KIF26B: variants seen among roughly 807,000 people sequenced by gnomAD.
KIF26B encodes the protein kinesin family member 26B.
Under a neutral mutation model 151.2 loss-of-function variants are expected in KIF26B, and 63 were observed. The ratio of observed to expected loss-of-function variants is 0.42; its 90% confidence interval spans 0.34 to 0.51. The LOEUF is 0.51. Among genes scored for constraint, KIF26B ranks in the 20% least tolerant of loss-of-function variants. The probability of loss-of-function intolerance (pLI) is 0.07; values close to 1 mark genes in which losing one functional copy is unlikely to be tolerated. For missense variants in KIF26B, 2,813 were observed against 2,913.6 expected, an observed-to-expected ratio of 0.97 and a Z score of 0.79; for synonymous variants, 1,357 against 1,262.1, an observed-to-expected ratio of 1.08 and a Z score of -1.59.
chr1:245,385,912 G>A (rs1673531818), intron 3 of KIF26B, among the ~76,000 whole-genome samples: 1 of 152,106 alleles, frequency 6.6e-6, no homozygotes, highest in Non-Finnish European at 1.5e-5. Context: ...GTTGGATGTG[G>A]GAAAAGAGAG....
Position 245,516,822 on chromosome 1 carries a change from C to T in KIF26B, c.1167-23945C>T, listed in dbSNP as rs1284808205. ...TTTGCACATTCTCTTCAGCTGAACA[C>T]AAAAGTTCCGGTTACCAGACTGTCC... On this transcript the variant is annotated intron_variant, in intron 4 of 14. Transcript: ENST00000407071. This position sits in a 1 kb window ranked among gnomAD's most constrained non-coding sequence, Gnocchi z 4.2. Among the ~76,000 whole-genome samples, 1 of 150,460 alleles carries T rather than the reference C, an allele frequency of 6.6e-6. No homozygotes were observed. Among genetic ancestry groups the T allele is most frequent in the African/African-American group, 2.4e-5 (1 of 41,124 alleles).
intron 10 of KIF26B, among the ~76,000 whole-genome samples, chr1:245,648,632 C>CAA (rs35377336): frequency 7.3e-4 from 103 of 140,342 alleles, no homozygotes; most frequent in African/African-American, 1.2e-3. Context: ...GACCCTGTCT[C>CAA]AAAAAAAAAA....
intron 9 of KIF26B, 127 bp downstream of exon 9, chr1:245,612,103 T>TGAGAGAGAGAGA: frequency 2.5e-6 from 1 of 394,290 alleles, no homozygotes; most frequent in South Asian, 4.2e-5. Flanking sequence ...TGTGTGTGTG[T>TGAGAGAGAGAGA]GTGAGAGAGA....
chr1:245,190,392 C>A (rs1186700602), intron 2 of KIF26B, among the ~76,000 whole-genome samples: 2 of 152,098 alleles, frequency 1.3e-5, no homozygotes. Flanking sequence ...TCCTGTAACA[C>A]TGGCTGCAGG....
At chr1:245,203,674 A>G (rs544531958) in intron 2 of KIF26B, among the ~76,000 whole-genome samples, 1 of 152,288 alleles carries the variant, frequency 6.6e-6, no homozygotes, top group African/African-American at 2.4e-5. Flanking sequence ...TACATGGTGC[A>G]TGCAGTTTTT....
chr1:245,156,184 G>T, intron 1 of KIF26B, 98 bp from the exon 2 acceptor site: 1 of 1,464,816 alleles, frequency 6.8e-7, no homozygotes, highest in Admixed American at 2.4e-5. Flanking sequence ...TCCCGTGGGC[G>T]GTTCGAGCGG....
At chr1:245,623,649 G>A (rs747821979) in intron 9 of KIF26B, among the ~76,000 whole-genome samples, 1 of 152,174 alleles carries the variant, frequency 6.6e-6, no homozygotes, top group African/African-American at 2.4e-5. Flanking sequence ...ACATCTGACC[G>A]CATGTGACAG....
chr1:245,395,635 C>T (rs1420125037), intron 3 of KIF26B, among the ~76,000 whole-genome samples: 1 of 152,168 alleles, frequency 6.6e-6, no homozygotes, highest in Non-Finnish European at 1.5e-5. Context: ...GAAATCAGAA[C>T]CTTTTTTCCT....
intron 3 of KIF26B, among the ~76,000 whole-genome samples, chr1:245,373,581 C>A (rs959444993): frequency 6.6e-6 from 1 of 152,180 alleles, no homozygotes; most frequent in African/African-American, 2.4e-5. Flanking sequence ...CATGTGCATT[C>A]CTTGAGTTGC....
chr1:245,652,102 C>G (rs984123982), intron 10 of KIF26B, among the ~76,000 whole-genome samples: 7 of 136,446 alleles, frequency 5.1e-5, no homozygotes, highest in African/African-American at 2.1e-4. Flanking sequence ...ATGTAAGAAT[C>G]TGTGTGTGTG....
intron 2 of KIF26B, among the ~76,000 whole-genome samples, chr1:245,236,688 C>T (rs1194958768): frequency 6.6e-6 from 1 of 152,244 alleles, no homozygotes. Context: ...GTAAGAATGT[C>T]TAAACCTGAA....
intron 4 of KIF26B, among the ~76,000 whole-genome samples, chr1:245,473,463 G>T (rs1373600971): frequency 6.6e-6 from 1 of 152,120 alleles, no homozygotes; most frequent in East Asian, 1.9e-4. Flanking sequence ...AGGCGAGTGT[G>T]CCCCCATCGA....
At chr1:245,575,362 CT>C (rs1210190502) in intron 5 of KIF26B, among the ~76,000 whole-genome samples, 1 of 151,770 alleles carries the variant, frequency 6.6e-6, no homozygotes, top group Admixed American at 6.6e-5. Context: ...GTAGTCTCAG[CT>C]ACTCGGGAGG....
In KIF26B at chr1:245,488,352, A is replaced by G. The variant is rs1441336969; in HGVS notation, c.1167-52415A>G. On this transcript the variant is annotated intron_variant, in intron 4 of 14. Coordinates refer to ENST00000407071, the MANE Select transcript of KIF26B (RefSeq NM_018012.4). This position sits in a 1 kb window ranked among gnomAD's most constrained non-coding sequence, Gnocchi z 4.6. ...TCAGCAACAACTTTGTACCCACCTGACATTCGGCCAGAATTTTTCCAACAG... is the reference window on the plus strand; with the variant it reads ...TCAGCAACAACTTTGTACCCACCTGGCATTCGGCCAGAATTTTTCCAACAG... Among the ~76,000 whole-genome samples the G allele has an allele frequency of 2.6e-5, 4 of 152,096 alleles. No individual in the cohort carries two copies. The highest frequency in any genetic ancestry group is 1.3e-4 in the Admixed American group (2 of 15,276).
At chr1:245,671,489 G>C (rs564074923) in intron 10 of KIF26B, among the ~76,000 whole-genome samples, 1 of 152,264 alleles carries the variant, frequency 6.6e-6, no homozygotes, top group Admixed American at 6.5e-5. Context: ...AGTAGGGAGT[G>C]GGGAGTTGTT....
rs927146053 is a variant in KIF26B at position 245,540,526 on chromosome 1, G to A, written c.1167-241G>A. On this transcript the variant is annotated intron_variant, in intron 4 of 14. Transcript: ENST00000407071. The surrounding 1 kb of genome is among the most constrained non-coding windows in gnomAD (Gnocchi z 4.6). ...GATAACACATCATTCTTTGTAAATCGTGATTGCAGAATCCTGCTATTTTAT... is the reference window on the plus strand; with the variant it reads ...GATAACACATCATTCTTTGTAAATCATGATTGCAGAATCCTGCTATTTTAT... 9 of 688,388 alleles carry A rather than the reference G, an allele frequency of 1.3e-5. No homozygotes were observed. Among genetic ancestry groups the A allele is most frequent in the Non-Finnish European group, 1.6e-5 (6 of 376,150 alleles). The allele number at this position is 688,388 out of a possible 1,614,324, so 42.6% of individuals were successfully genotyped here. A position where few individuals can be genotyped will look rare whatever the true frequency, so the allele number is the denominator to read the frequency against.
chr1:245,685,280 G>A lies in KIF26B; in HGVS notation c.2422-125G>A, dbSNP rs1572202015. 2.2e-5 allele frequency: 17 copies of A among 774,586 alleles called. No homozygotes were observed. The East Asian group carries it at 4.6e-4, about 21-fold the overall frequency. 48.0% of individuals were successfully genotyped at this position (774,586 alleles called of 1,614,324 possible). On this transcript the variant is annotated intron_variant, in intron 11 of 14. Coordinates refer to ENST00000407071, the MANE Select transcript of KIF26B (RefSeq NM_018012.4). ...CACCCCGAGTGGCCCACGTGCGGGAGGCCAACGGGGGTGGCTGTCAGTAGC... is the reference window on the plus strand; with the variant it reads ...CACCCCGAGTGGCCCACGTGCGGGAAGCCAACGGGGGTGGCTGTCAGTAGC...
intron 2 of KIF26B, among the ~76,000 whole-genome samples, chr1:245,245,251 GTC>G (rs1036812885): frequency 4.6e-4 from 70 of 152,278 alleles, no homozygotes; most frequent in African/African-American, 1.5e-3. Context: ...CTGCCTGTTT[GTC>G]TCTCTGAGAT....
At chr1:245,535,073 G>A (rs1661460777) in intron 4 of KIF26B, among the ~76,000 whole-genome samples, 1 of 152,098 alleles carries the variant, frequency 6.6e-6, no homozygotes, top group Non-Finnish European at 1.5e-5. Context: ...GTGAGCCACT[G>A]CACCTGGCCG....
Sources: gnomAD v4.1 joint callset for allele counts (sites outside exome capture counted in the v4.1 genomes callset) on GRCh38, gnomAD v4.1.1 for gene constraint, Gnocchi (gnomAD v3.1) non-coding constraint, MANE v1.5 for transcripts, NCBI Gene and HGNC (gene_info 2026-07-23, HGNC 2026-07-21) for gene names.